VWA3B: variants seen among roughly 807,000 people sequenced by gnomAD.
The protein encoded by VWA3B is von Willebrand factor A domain-containing protein 3B.
A neutral mutation model predicts 158.3 loss-of-function variants in VWA3B; 138 were observed. That is an observed-to-expected ratio of 0.87 (90% CI 0.76 to 1.00). The LOEUF is 1.00. VWA3B is among the 50% of genes least tolerant of loss of function. The pLI, the probability that VWA3B is intolerant of heterozygous loss-of-function variation, is 0.00. For synonymous variants in VWA3B, 596 were observed against 587.3 expected (o/e 1.01, Z -0.21); for missense variants, 1,555 against 1,565.1 (o/e 0.99, Z 0.11).
chr2:98,204,668 C>CTTTTTG (rs1682862153), intron 12 of VWA3B, among the ~76,000 whole-genome samples: 1 of 152,136 alleles, frequency 6.6e-6, no homozygotes, highest in African/African-American at 2.4e-5. Flanking sequence ...GGTCTGTAGG[C>CTTTTTG]TTTTTGTGTG....
At chr2:98,134,269 C>G (rs1019015052) in intron 7 of VWA3B, among the ~76,000 whole-genome samples, 2 of 152,158 alleles carry the variant, frequency 1.3e-5, no homozygotes, top group African/African-American at 2.4e-5. Context: ...TGGGAGGCTG[C>G]AGAGAGGGTG....
chr2:98,311,152 C>T (rs1690867055), intron 26 of VWA3B, among the ~76,000 whole-genome samples: 1 of 152,088 alleles, frequency 6.6e-6, no homozygotes, highest in African/African-American at 2.4e-5. Context: ...CTTAACTTAC[C>T]CTGAAGGCCC....
intron 23 of VWA3B, among the ~76,000 whole-genome samples, chr2:98,294,471 G>A (rs1273222177): frequency 3.9e-5 from 6 of 152,236 alleles, no homozygotes; most frequent in Non-Finnish European, 7.3e-5. Flanking sequence ...ATTGTGGTGG[G>A]GATTTCCCTG....
intron 1 of VWA3B, among the ~76,000 whole-genome samples, chr2:98,088,137 T>A (rs1463030771): frequency 6.6e-6 from 1 of 152,214 alleles, no homozygotes; most frequent in East Asian, 1.9e-4. Flanking sequence ...ATCATGAAGC[T>A]TCGTCCCAGT....
chr2:98,134,482 G>A (rs376221039), intron 7 of VWA3B, among the ~76,000 whole-genome samples: 54 of 152,302 alleles, frequency 3.5e-4, no homozygotes, highest in African/African-American at 9.9e-4. Flanking sequence ...CCAAATCAGC[G>A]GGAAATAGGC....
At chr2:98,199,820 T>C (rs1241574274) in intron 12 of VWA3B, among the ~76,000 whole-genome samples, 3 of 152,120 alleles carry the variant, frequency 2.0e-5, no homozygotes, top group Non-Finnish European at 4.4e-5. Context: ...CCATGGGAAA[T>C]GGTTTCCAAC....
At position 98,313,081 on chromosome 2, in the gene VWA3B, A is replaced by G. The variant is rs1240296910; in HGVS notation, c.*732A>G. The G allele has an allele frequency of 1.3e-5, 2 of 152,196 alleles. No homozygotes were observed. The highest frequency in any genetic ancestry group is 2.9e-5 in the Non-Finnish European group (2 of 68,036). 9.4% of individuals were successfully genotyped at this position (152,196 alleles called of 1,614,324 possible). ...AAATTTCGTTTTTCTAGTCGGTAAG[A>G]TCCCTGAGGCTAGATGAAAATAGAG... On this transcript the variant is annotated 3_prime_UTR_variant, in exon 28 of 28. Transcript: ENST00000477737.
chr2:98,326,689 C>T, the VWA3B span, among the ~76,000 whole-genome samples: 17 of 152,040 alleles, frequency 1.1e-4, no homozygotes, highest in Admixed American at 6.6e-4. Context: ...CCCAGAAGGT[C>T]GAGGCTGCAG....
chr2:98,092,816 G>GTATGTATATA (rs1553633938), intron 1 of VWA3B, among the ~76,000 whole-genome samples: 8 of 51,500 alleles, frequency 1.6e-4, no homozygotes, highest in Non-Finnish European at 2.4e-4. Context: ...AGATGTTTTT[G>GTATGTATATA]TATATATATA....
intron 15 of VWA3B, among the ~76,000 whole-genome samples, chr2:98,229,420 A>G (rs1265043500): frequency 1.3e-5 from 2 of 152,200 alleles, no homozygotes; most frequent in Non-Finnish European, 2.9e-5. Flanking sequence ...CACACGTCAC[A>G]GTGTTGGAGC....
At chr2:98,320,806 A>G in the VWA3B span, among the ~76,000 whole-genome samples, 256 of 152,324 alleles carry the variant, frequency 1.7e-3, 1 homozygote, top group Middle Eastern at 0.014. Context: ...CAATGATGCA[A>G]TAGGAGAGAA....
At chr2:98,286,864 C>G (rs1034041353) in intron 22 of VWA3B, among the ~76,000 whole-genome samples, 1 of 152,056 alleles carries the variant, frequency 6.6e-6, no homozygotes, top group Non-Finnish European at 1.5e-5. Context: ...AGCCAGAAAT[C>G]TGGGTTTATT....
At chr2:98,283,030 C>G (rs1259913251) in intron 22 of VWA3B, among the ~76,000 whole-genome samples, 1 of 152,172 alleles carries the variant, frequency 6.6e-6, no homozygotes, top group Non-Finnish European at 1.5e-5. Context: ...AGGCAACTCA[C>G]CTCCCAGATT....
intron 15 of VWA3B, among the ~76,000 whole-genome samples, chr2:98,229,622 A>C (rs1685188654): frequency 6.6e-6 from 1 of 152,204 alleles, no homozygotes; most frequent in Non-Finnish European, 1.5e-5. Context: ...GCTTGCTGGT[A>C]GACACTGATT....
chr2:98,175,530 A>G (rs1269681469), intron 8 of VWA3B, among the ~76,000 whole-genome samples: 1 of 152,242 alleles, frequency 6.6e-6, no homozygotes, highest in Non-Finnish European at 1.5e-5. Flanking sequence ...AGTCTGAAGA[A>G]CAAAAGGAAT....
At chr2:98,299,881 A>G (rs1460437109) in intron 24 of VWA3B, among the ~76,000 whole-genome samples, 198 bp from the exon 25 acceptor site, 2 of 152,204 alleles carry the variant, frequency 1.3e-5, no homozygotes, top group Admixed American at 6.5e-5. Flanking sequence ...GGGCTTCCCA[A>G]ACTGATCACA....
At chr2:98,252,991 ATTG>A (rs770431041) in intron 20 of VWA3B, among the ~76,000 whole-genome samples, 39 of 152,294 alleles carry the variant, frequency 2.6e-4, no homozygotes, top group Non-Finnish European at 5.0e-4. Context: ...TACTGATTGA[ATTG>A]TTATTATTTG....
chr2:98,198,019 T>C (rs1258064212), intron 12 of VWA3B, among the ~76,000 whole-genome samples: 1 of 151,430 alleles, frequency 6.6e-6, no homozygotes, highest in East Asian at 1.9e-4. Context: ...TATATTGATA[T>C]ATATGATAAT....
chr2:98,263,787 CT>C (rs1478609831), intron 21 of VWA3B, among the ~76,000 whole-genome samples: 2 of 151,844 alleles, frequency 1.3e-5, no homozygotes, highest in Non-Finnish European at 2.9e-5. Flanking sequence ...CCTTTTCAAT[CT>C]TTTGAAAGAG....
Sources: allele counts gnomAD v4.1 joint callset (sites outside exome capture counted in the v4.1 genomes callset), GRCh38; gene constraint gnomAD v4.1.1; transcripts MANE v1.5; gene names NCBI Gene and HGNC (gene_info 2026-07-23, HGNC 2026-07-21).